Variants in NEBL observed in about 807,000 individuals in gnomAD.
NEBL encodes the protein LIM and SH3 protein 2.
NEBL carries 122 observed loss-of-function variants against 140.2 expected under a neutral mutation model. The observed-to-expected ratio is 0.87, with a 90% CI of 0.75 to 1.01. The LOEUF is 1.01. Among genes scored for constraint, NEBL ranks in the 50% least tolerant of loss-of-function variants. NEBL has a pLI of 0.00. For missense variants in NEBL, 1,365 were observed against 1,231.3 expected (o/e 1.11, Z -1.62); for synonymous variants, 436 against 398.9 (o/e 1.09, Z -1.11).
intron 4 of NEBL, among the ~76,000 whole-genome samples, chr10:20,932,542 T>C (rs945044848): frequency 3.3e-5 from 5 of 152,232 alleles, no homozygotes; most frequent in Non-Finnish European, 7.3e-5. Context: ...TATACCTATG[T>C]AACAAACCTG....
At chr10:21,211,840 A>G (rs910221769) in intron 3 of NEBL, among the ~76,000 whole-genome samples, 8 of 152,208 alleles carry the variant, frequency 5.3e-5, no homozygotes, top group African/African-American at 1.4e-4. Context: ...TCATGGCTTC[A>G]TTCATTCTCC....
At position 21,240,907 on chromosome 10, in the gene NEBL, T is replaced by C. The variant is rs28408295; in HGVS notation, n.348+7014A>G. Among the ~76,000 whole-genome samples the C allele has an allele frequency of 6.6e-4, 91 of 137,272 alleles. No homozygotes were observed. In the Middle Eastern group the frequency reaches 0.011, roughly 17 times the overall value. 90.1% of individuals were successfully genotyped at this position (137,272 alleles called of 152,430 possible). On this transcript the variant is annotated intron_variant and non_coding_transcript_variant, in intron 3 of 8. Coordinates refer to the NEBL transcript ENST00000675702. ...CAGAACAGGGCAAAACACGCACACA[T>C]ACACACACACACACACACACACACA...
At chr10:21,233,727 T>C (rs1842299898) in intron 3 of NEBL, among the ~76,000 whole-genome samples, 1 of 143,884 alleles carries the variant, frequency 7.0e-6, no homozygotes, top group South Asian at 2.1e-4. Context: ...TATGGATATA[T>C]ATTACATATA....
intron 4 of NEBL, among the ~76,000 whole-genome samples, chr10:20,958,715 G>A (rs548816788): frequency 6.6e-6 from 1 of 152,186 alleles, no homozygotes; most frequent in African/African-American, 2.4e-5. Flanking sequence ...CTCTTTTCTT[G>A]TTTTGTTCTG....
intron 4 of NEBL, among the ~76,000 whole-genome samples, chr10:20,924,621 G>T (rs1008704477): frequency 1.3e-5 from 2 of 151,360 alleles, no homozygotes; most frequent in African/African-American, 4.9e-5. Flanking sequence ...GAATGTGAAA[G>T]AATAGGGCCT....
At chr10:21,168,128 A>G (rs1214890475) in intron 2 of NEBL, among the ~76,000 whole-genome samples, 3 of 152,222 alleles carry the variant, frequency 2.0e-5, no homozygotes, top group Non-Finnish European at 2.9e-5. Flanking sequence ...ATGAAATCAA[A>G]CAGAATACTT....
chr10:21,222,925 G>A (rs1589335416), intron 3 of NEBL, among the ~76,000 whole-genome samples: 1 of 152,258 alleles, frequency 6.6e-6, no homozygotes, highest in East Asian at 1.9e-4. Context: ...ACCATGCCCG[G>A]CTAATTTTTG....
At chr10:21,094,130 G>A (rs1414666189) in intron 2 of NEBL, among the ~76,000 whole-genome samples, 4 of 152,158 alleles carry the variant, frequency 2.6e-5, no homozygotes, top group African/African-American at 9.7e-5. Flanking sequence ...GCTGAAGTGG[G>A]AGGATCACTT....
At chr10:20,914,854 G>T (rs1280987214) in intron 4 of NEBL, among the ~76,000 whole-genome samples, 1 of 151,826 alleles carries the variant, frequency 6.6e-6, no homozygotes, top group Non-Finnish European at 1.5e-5. Context: ...ATATTTTCTG[G>T]GGTTGTTTTG....
intron 9 of NEBL, among the ~76,000 whole-genome samples, chr10:20,856,358 G>A (rs1027385512): frequency 6.6e-6 from 1 of 152,080 alleles, no homozygotes; most frequent in African/African-American, 2.4e-5. Context: ...GGAGTGGCAC[G>A]CTTTCTTCCA....
intron 1 of NEBL, among the ~76,000 whole-genome samples, chr10:21,255,264 G>A (rs1842642022): frequency 6.6e-6 from 1 of 152,008 alleles, no homozygotes; most frequent in Non-Finnish European, 1.5e-5. Context: ...GATATGAGAA[G>A]CAGCTGAGTG....
At position 20,962,527 on chromosome 10, in the gene NEBL, A is replaced by G. The variant is rs1042407339; in HGVS notation, c.250-748T>C. Among the ~76,000 whole-genome samples the G allele has an allele frequency of 1.4e-4, 21 of 152,202 alleles. 1 individual carries two copies. The highest frequency in any genetic ancestry group is 5.1e-4 in the African/African-American group (21 of 41,454). The stretch of plus-strand genomic sequence containing the variant: ...ATACTTCTTTTCTAATTACAACCCA[A>G]TGGAGCTGAATTTTACTGTTTCCTC... On this transcript the variant is annotated intron_variant, in intron 3 of 6. Coordinates refer to the NEBL transcript ENST00000417816.
At chr10:21,014,190 C>T (rs1170542017) in intron 3 of NEBL, among the ~76,000 whole-genome samples, 1 of 152,042 alleles carries the variant, frequency 6.6e-6, no homozygotes, top group South Asian at 2.1e-4. Context: ...GTAGTGTGAT[C>T]GTAGCTCACT....
At chr10:21,260,167 C>T (rs1271239090) in intron 1 of NEBL, among the ~76,000 whole-genome samples, 1 of 152,220 alleles carries the variant, frequency 6.6e-6, no homozygotes, top group Non-Finnish European at 1.5e-5. Flanking sequence ...ATGACTGAGT[C>T]CACGGGAAGC....
At chr10:21,182,668 C>T (rs544818921) in intron 3 of NEBL, among the ~76,000 whole-genome samples, 1 of 152,168 alleles carries the variant, frequency 6.6e-6, no homozygotes, top group Non-Finnish European at 1.5e-5. Context: ...AAGATCCACA[C>T]ATGTGTTGTC....
chr10:20,898,255 G>A (rs780214237), upstream of NEBL, among the ~76,000 whole-genome samples: 19 of 151,988 alleles, frequency 1.3e-4, no homozygotes, highest in Non-Finnish European at 2.5e-4. Flanking sequence ...TATTAATCTG[G>A]TTATGTAAAT....
rs552589082 is a variant in NEBL, at chr10:20,795,027, C to A, written c.2762-7719G>T. 7.0e-4 allele frequency among the ~76,000 whole-genome samples: 107 copies of A among 152,248 alleles called. 1 individual carries two copies. In the South Asian group the frequency reaches 0.015, roughly 21 times the overall value. ...TAATGCCAAAAATCTGACTTCAGAA[C>A]CCAAACTCTTGACTATACTAAACCT... On this transcript the variant is annotated intron_variant, in intron 26 of 27. Coordinates refer to ENST00000377122, the MANE Select transcript of NEBL (RefSeq NM_006393.3).
intron 3 of NEBL, among the ~76,000 whole-genome samples, chr10:21,187,812 C>G (rs1841501600): frequency 6.6e-6 from 1 of 152,200 alleles, no homozygotes; most frequent in African/African-American, 2.4e-5. Context: ...CAGCACCTGG[C>G]CACACCTTGT....
At chr10:21,132,159 C>T (rs1022756241) in intron 2 of NEBL, among the ~76,000 whole-genome samples, 3 of 152,164 alleles carry the variant, frequency 2.0e-5, no homozygotes, top group Non-Finnish European at 4.4e-5. Flanking sequence ...CTCCAAGAAC[C>T]TCTGGTAACT....
Sources: gnomAD v4.1 joint callset for allele counts (sites outside exome capture counted in the v4.1 genomes callset) on GRCh38, gnomAD v4.1.1 for gene constraint, MANE v1.5 for transcripts, NCBI Gene and HGNC (gene_info 2026-07-23, HGNC 2026-07-21) for gene names.